The following PARN variants were observed in gnomAD, a reference collection of about 807,000 sequenced individuals.
PARN encodes the protein poly(A)-specific ribonuclease PARN.
PARN carries 71 observed loss-of-function variants against 102.8 expected under a neutral mutation model. The ratio of observed to expected loss-of-function variants is 0.69; its 90% CI spans 0.57 to 0.84. PARN has a LOEUF of 0.84. Ranked by LOEUF, PARN falls within the 40% of genes least tolerant of loss-of-function variation. PARN has a pLI of 0.00. For missense variants in PARN, 782 were observed against 760.9 expected, an observed-to-expected ratio of 1.03 and a Z score of -0.33; for synonymous variants, 261 against 252.9, an observed-to-expected ratio of 1.03 and a Z score of -0.30.
At chr16:14,584,559 T>C (rs1969728970) in intron 15 of PARN, 137 bp from the exon 16 acceptor site, 1 of 803,892 alleles carries the variant, frequency 1.2e-6, no homozygotes, top group Non-Finnish European at 2.0e-6. Context: ...ACAGAAGTCT[T>C]CGTTTTTTTC....
chr16:14,471,863 A>AT (rs1435381547), intron 22 of PARN, among the ~76,000 whole-genome samples: 1 of 152,162 alleles, frequency 6.6e-6, no homozygotes, highest in Non-Finnish European at 1.5e-5. Context: ...ACCAAATTAC[A>AT]TTTTTACAAT....
At chr16:14,494,752 G>A (rs762556908) in intron 21 of PARN, among the ~76,000 whole-genome samples, 25 of 152,160 alleles carry the variant, frequency 1.6e-4, no homozygotes, top group Non-Finnish European at 3.1e-4. Flanking sequence ...TCAGCAGGAC[G>A]CCAGGGTAAT....
intron 21 of PARN, among the ~76,000 whole-genome samples, chr16:14,536,579 G>A (rs2151680093): frequency 6.6e-6 from 1 of 152,258 alleles, no homozygotes; most frequent in Middle Eastern, 3.4e-3. Context: ...TGATCCTGCA[G>A]ATGTATCGTA....
chr16:14,622,756 T>C (rs1972395633), intron 5 of PARN, among the ~76,000 whole-genome samples: 1 of 152,222 alleles, frequency 6.6e-6, no homozygotes, highest in Non-Finnish European at 1.5e-5. Context: ...TCCGCCCGAC[T>C]TGGCCTCCCA....
chr16:14,592,253 C>G (rs1272125966), intron 13 of PARN, among the ~76,000 whole-genome samples: 3 of 152,148 alleles, frequency 2.0e-5, no homozygotes, highest in Non-Finnish European at 2.9e-5. Flanking sequence ...CTCATTTGAG[C>G]CACGTCAATT....
At chr16:14,552,137 T>C (rs771932190) in intron 20 of PARN, 42 bp from the exon 21 acceptor site, 1 of 1,245,130 alleles carries the variant, frequency 8.0e-7, no homozygotes, top group Non-Finnish European at 1.2e-6. Context: ...TTTGACCATG[T>C]GGAGAGCTAT....
In PARN at chr16:14,525,372, A is replaced by G. The variant is rs533670808; in HGVS notation, c.1480+26649T>C. On this transcript the variant is annotated intron_variant, in intron 21 of 23. Transcript: ENST00000437198. ...ACTGATGTGGTATTTTGTAACCCTC[A>G]ATGCAGCGGTCACAGAAGGGACAAC... is the stretch of plus-strand genomic sequence containing the variant. Among the ~76,000 whole-genome samples the G allele has an allele frequency of 1.1e-4, 16 of 152,316 alleles. No homozygotes were observed. The East Asian group carries it at 2.1e-3, about 20-fold the overall frequency.
chr16:14,500,217 G>A (rs999648380), intron 21 of PARN, among the ~76,000 whole-genome samples: 10 of 151,932 alleles, frequency 6.6e-5, no homozygotes, highest in African/African-American at 2.4e-4. Context: ...CACCATGTCC[G>A]GGTAATTTAA....
At chr16:14,607,035 C>T (rs1200918849) in intron 9 of PARN, among the ~76,000 whole-genome samples, 4 of 152,030 alleles carry the variant, frequency 2.6e-5, no homozygotes, top group Non-Finnish European at 4.4e-5. Flanking sequence ...CCCGCCTGGG[C>T]CTCCCAAAGT....
intron 22 of PARN, among the ~76,000 whole-genome samples, chr16:14,458,842 T>C (rs1047318875): frequency 1.3e-5 from 2 of 152,076 alleles, no homozygotes; most frequent in African/African-American, 4.8e-5. Context: ...GAGAAAGCGA[T>C]CTCCGCAGGC....
intron 12 of PARN, among the ~76,000 whole-genome samples, 192 bp from the exon 13 acceptor site, chr16:14,593,570 G>C (rs533317109): frequency 6.1e-5 from 9 of 146,684 alleles, no homozygotes; most frequent in African/African-American, 1.7e-4. Flanking sequence ...CTCCATTTTG[G>C]AATGTTAAAT....
At chr16:14,616,350 TC>T in intron 6 of PARN, among the ~76,000 whole-genome samples, 1 of 152,198 alleles carries the variant, frequency 6.6e-6, no homozygotes, top group East Asian at 1.9e-4. Context: ...CCTCAGGTGC[TC>T]CCCAGGCCAT....
intron 22 of PARN, among the ~76,000 whole-genome samples, chr16:14,478,555 T>C (rs1963202873): frequency 6.6e-6 from 1 of 152,122 alleles, no homozygotes; most frequent in Non-Finnish European, 1.5e-5. Flanking sequence ...ATATCCACTC[T>C]CTCTATTTCT....
chr16:14,619,942 C>T (rs1279218335), intron 5 of PARN, among the ~76,000 whole-genome samples: 3 of 150,216 alleles, frequency 2.0e-5, no homozygotes, highest in Non-Finnish European at 4.4e-5. Context: ...TGGTGGTGCA[C>T]GCCTGTAATC....
At chr16:14,600,038 A>G (rs188982528) in intron 11 of PARN, 78 bp from the exon 12 acceptor site, 28 of 767,858 alleles carry the variant, frequency 3.6e-5, no homozygotes, top group Admixed American at 1.2e-4. Context: ...ACCCCAAAAA[A>G]AAGACACTGA....
chr16:14,566,189 G>A (rs977207189), intron 18 of PARN, among the ~76,000 whole-genome samples: 2 of 152,146 alleles, frequency 1.3e-5, no homozygotes, highest in Non-Finnish European at 2.9e-5. Context: ...AATCTTAGTA[G>A]ATGTTATTAT....
At chr16:14,519,193 C>T (rs954171557) in intron 21 of PARN, among the ~76,000 whole-genome samples, 2 of 149,890 alleles carry the variant, frequency 1.3e-5, no homozygotes, top group East Asian at 2.0e-4. Flanking sequence ...ACCTATAGTC[C>T]TGATGTTGTA....
intron 10 of PARN, 86 bp from the exon 11 acceptor site, chr16:14,604,312 G>A (rs928804974): frequency 3.0e-5 from 24 of 810,720 alleles, no homozygotes; most frequent in East Asian, 1.3e-4. Context: ...TCAGGCTGGA[G>A]TGCAATTGCA....
chr16:14,531,491 C>A (rs545580409), intron 21 of PARN, among the ~76,000 whole-genome samples: 7 of 152,274 alleles, frequency 4.6e-5, no homozygotes, highest in East Asian at 1.9e-4. Context: ...AAGCCAATGG[C>A]CCATTTATTA....
Sources: allele counts gnomAD v4.1 joint callset (sites outside exome capture counted in the v4.1 genomes callset), GRCh38; gene constraint gnomAD v4.1.1; transcripts MANE v1.5; gene names NCBI Gene and HGNC (gene_info 2026-07-23, HGNC 2026-07-21).